CPNE6: variants seen among roughly 807,000 people sequenced by gnomAD.
The protein encoded by CPNE6 is copine 6, also known as copine-6.
CPNE6 carries 33 observed loss-of-function variants against 71.5 expected under a neutral mutation model. That is an observed-to-expected ratio of 0.46 (90% confidence interval 0.35 to 0.62). The LOEUF is 0.62. CPNE6 is among the 20% of genes least tolerant of loss of function. CPNE6 has a pLI of 0.00. For synonymous variants in CPNE6, 296 were observed against 293.0 expected (o/e 1.01, Z -0.10); for missense variants, 576 against 747.3 (o/e 0.77, Z 2.67).
chr14:24,075,763 T>C lies in CPNE6; in HGVS notation c.865-64T>C, dbSNP rs1246524237. 14 of 1,527,068 alleles carry C rather than the reference T, an allele frequency of 9.2e-6. No individual in the cohort carries two copies. Among genetic ancestry groups the C allele is most frequent in the African/African-American group, 1.4e-5 (1 of 73,026 alleles). The allele number at this position is 1,527,068 out of a possible 1,614,324, so 94.6% of individuals were successfully genotyped here. A position where few individuals can be genotyped will look rare whatever the true frequency, so the allele number is the denominator to read the frequency against. ...TCCCCCATGTTCCCCACAGAAGCCC[T>C]ACCCAAGCTCCCTCCTCAAAGGACC... is the stretch of plus-strand genomic sequence containing the variant. On this transcript the variant is annotated intron_variant, in intron 10 of 17. Transcript: ENST00000397016. This position sits in a 1 kb window ranked among gnomAD's most constrained non-coding sequence, Gnocchi z 4.3.
Position 24,075,591 on chromosome 14 carries a change from G to T in CPNE6, c.864G>T (p.Thr288=). The change falls in exon 10 of 18, where the codon ACG becomes ACT. Residue 288 remains threonine, a splice_region_variant and synonymous_variant. Transcript: ENST00000397016. The surrounding 1 kb of genome is among the most constrained non-coding windows in gnomAD (Gnocchi z 4.3). ...GGACGGTAGTGCTGGCCCAGTGCAC[G>T]GTAAATTTCACTTCCTGCTTCAAGC... is the stretch of plus-strand genomic sequence containing the variant. The T allele has an allele frequency of 4.4e-6, 7 of 1,608,172 alleles. No homozygotes were observed. Among genetic ancestry groups the T allele is most frequent in the Non-Finnish European group, 5.9e-6 (7 of 1,177,012 alleles).
In CPNE6 at chr14:24,073,385, G is replaced by A; in HGVS notation, c.169-114G>A. The A allele has an allele frequency of 1.7e-6, 2 of 1,194,188 alleles. No individual in the cohort carries two copies. The highest frequency in any genetic ancestry group is 2.4e-6 in the Non-Finnish European group (2 of 848,212). The allele number at this position is 1,194,188 out of a possible 1,614,324, so 74.0% of individuals were successfully genotyped here. A position where few individuals can be genotyped will look rare whatever the true frequency, so the allele number is the denominator to read the frequency against. On this transcript the variant is annotated intron_variant, in intron 3 of 17. Transcript: ENST00000397016. This position sits in a 1 kb window ranked among gnomAD's most constrained non-coding sequence, Gnocchi z 5.5. ...GATCAGCTTAGGAAGAGAAGAGCTGGTTGCTGGGGACGTGGGGGCCCAAGA... is the reference window on the plus strand; with the variant it reads ...GATCAGCTTAGGAAGAGAAGAGCTGATTGCTGGGGACGTGGGGGCCCAAGA...
Position 24,077,231 on chromosome 14 carries a change from C to T in CPNE6, c.1377C>T (p.Ala459=). 3 of 1,613,144 alleles carry T rather than the reference C, an allele frequency of 1.9e-6. No individual in the cohort carries two copies. The highest frequency in any genetic ancestry group is 8.5e-7 in the Non-Finnish European group (1 of 1,180,024). The stretch of plus-strand genomic sequence containing the variant: ...AGACTCGCACTGCTATCGTGCGTGC[C>T]TCCCGCCTGCCCATGTCCATCATCA... The change falls in exon 16 of 18, where the codon GCC becomes GCT. Residue 459 remains alanine, a synonymous_variant. Coordinates refer to ENST00000397016, the Ensembl canonical transcript of CPNE6. The surrounding 1 kb of genome is among the most constrained non-coding windows in gnomAD (Gnocchi z 6.1).
In CPNE6 at chr14:24,077,759, A is replaced by ACC. The variant is rs746565607; in HGVS notation, c.*29_*30insCC. On this transcript the variant is annotated 3_prime_UTR_variant, in exon 17 of 18. Transcript: ENST00000397016. The surrounding 1 kb of genome is among the most constrained non-coding windows in gnomAD (Gnocchi z 6.1). ...CCTCCCTCCGGACCGACACTCCCTC[A>ACC]GCCTCTCAGTGAGTCCTGGGGCTTC... 6 of 1,508,632 alleles carry ACC rather than the reference A, an allele frequency of 4.0e-6. No individual in the cohort carries two copies. The highest frequency in any genetic ancestry group is 4.4e-6 in the Non-Finnish European group (5 of 1,130,118). 93.5% of individuals were successfully genotyped at this position (1,508,632 alleles called of 1,614,324 possible).
chr14:24,072,768 C>T (rs565274394), intron 2 of CPNE6, 165 bp from the exon 2 acceptor site: 49 of 548,616 alleles, frequency 8.9e-5, no homozygotes, highest in African/African-American at 8.9e-4. Flanking sequence ...CCTCTGCCCT[C>T]CCCTGCTCAG....
chr14:24,076,320 G>A, intron 12 of CPNE6, 38 bp downstream of exon 11: 1 of 1,614,214 alleles, frequency 6.2e-7, no homozygotes, highest in Non-Finnish European at 8.5e-7. Flanking sequence ...AGGCAGGGAG[G>A]CCTTGCCCAA....
intron 14 of CPNE6, 142 bp downstream of exon 13, chr14:24,076,699 G>A (rs753104919): frequency 2.4e-5 from 34 of 1,440,264 alleles, no homozygotes; most frequent in Non-Finnish European, 2.9e-5. Flanking sequence ...TTCCAGGGCC[G>A]AGGCCCAGCA....
intron 1 of CPNE6, 61 bp from the exon 1 acceptor site, chr14:24,071,501 G>GGCGCCCCCCCCCCCC: frequency 1.4e-6 from 2 of 1,416,704 alleles, no homozygotes; most frequent in Non-Finnish European, 1.9e-6. Context: ...CTGGTGCTGC[G>GGCGCCCCCCCCCCCC]CCCCCCCCCA....
intron 2 of CPNE6, 85 bp from the exon 2 acceptor site, chr14:24,072,848 G>A: frequency 8.0e-7 from 1 of 1,257,680 alleles, no homozygotes; most frequent in Non-Finnish European, 1.0e-6. Context: ...GTTAAGGGGT[G>A]GGGCCCAGGG....
intron 2 of CPNE6, chr14:24,072,215 C>T (rs1433122671): frequency 1.3e-5 from 2 of 152,350 alleles, no homozygotes; most frequent in African/African-American, 2.4e-5. Context: ...CCCCAAAAAT[C>T]CTGTCGCTAA....
intron 1 of CPNE6, 61 bp from the exon 1 acceptor site, chr14:24,071,501 G>GCCGCCCCCCCC: frequency 4.2e-6 from 6 of 1,416,700 alleles, no homozygotes; most frequent in Non-Finnish European, 5.6e-6. Context: ...CTGGTGCTGC[G>GCCGCCCCCCCC]CCCCCCCCCA....
At chr14:24,072,671 C>T (rs750968268) in intron 2 of CPNE6, 12 of 361,752 alleles carry the variant, frequency 3.3e-5, no homozygotes, top group Non-Finnish European at 5.4e-5. Flanking sequence ...AACATCCCCA[C>T]CCCAATCCTT....
In CPNE6 at chr14:24,075,497, G is replaced by T. The variant is rs1167158737; in HGVS notation, c.778-8G>T. On this transcript the variant is annotated splice_region_variant and splice_polypyrimidine_tract_variant and intron_variant, in intron 9 of 17. Transcript: ENST00000397016. This position sits in a 1 kb window ranked among gnomAD's most constrained non-coding sequence, Gnocchi z 4.3. The stretch of plus-strand genomic sequence containing the variant: ...CTTGTGACCCTGAGCTTGTGGGGTG[G>T]GGTCTAGATGCAGTGGGACTGTATC... 6.2e-7 allele frequency: 1 copy of T among 1,608,910 alleles called. No individual in the cohort carries two copies. Among genetic ancestry groups the T allele is most frequent in the African/African-American group, 1.3e-5 (1 of 74,852 alleles).
exon 15 of CPNE6, chr14:24,076,994 G>A (rs557457730): frequency 1.9e-6 from 3 of 1,611,254 alleles, no homozygotes; most frequent in East Asian, 4.5e-5. Context: ...AGCGGGAGCA[G>A]AGCACCGGCC....
Position 24,075,393 on chromosome 14 carries a change from C to A in CPNE6, c.778-112C>A, listed in dbSNP as rs2036028077. ...GTGGAGAGGGTGGAAAGCACCTGGG[C>A]TCAGCTGAAGGACGGAACCATGGGG... On this transcript the variant is annotated intron_variant, in intron 9 of 17. Transcript: ENST00000397016. The surrounding 1 kb of genome is among the most constrained non-coding windows in gnomAD (Gnocchi z 4.3). 7.2e-7 allele frequency: 1 copy of A among 1,391,936 alleles called. No homozygotes were observed. The highest frequency in any genetic ancestry group is 1.8e-4 in the Middle Eastern group (1 of 5,622). The allele number at this position is 1,391,936 out of a possible 1,614,324, so 86.2% of individuals were successfully genotyped here. A position where few individuals can be genotyped will look rare whatever the true frequency, so the allele number is the denominator to read the frequency against.
At position 24,075,706 on chromosome 14, in the gene CPNE6, C is replaced by A; in HGVS notation, c.864+115C>A. On this transcript the variant is annotated intron_variant, in intron 10 of 17. Transcript: ENST00000397016. The surrounding 1 kb of genome is among the most constrained non-coding windows in gnomAD (Gnocchi z 4.3). Reference sequence around the variant, plus strand: ...TTTCTCTGCTTCTGGGAACTGGAAACCACCCCCAACTGCAACCCAAAAAAC... The same window carrying A: ...TTTCTCTGCTTCTGGGAACTGGAAAACACCCCCAACTGCAACCCAAAAAAC... The A allele has an allele frequency of 7.4e-7, 1 of 1,344,770 alleles. No individual in the cohort carries two copies. Among genetic ancestry groups the A allele is most frequent in the Non-Finnish European group, 1.0e-6 (1 of 954,360 alleles). The allele number at this position is 1,344,770 out of a possible 1,614,324, so 83.3% of individuals were successfully genotyped here.
intron 1 of CPNE6, chr14:24,071,303 T>C (rs910014295): frequency 8.3e-5 from 116 of 1,394,672 alleles, no homozygotes; most frequent in Non-Finnish European, 1.1e-4. Flanking sequence ...GCCACTGCAA[T>C]GTGCGCATCT....
At chr14:24,076,615 CA>C (rs752956803) in intron 14 of CPNE6, 58 bp downstream of exon 13, 1 of 1,599,468 alleles carries the variant, frequency 6.3e-7, no homozygotes, top group Non-Finnish European at 8.6e-7. Flanking sequence ...CACACAGGAG[CA>C]CAGACTCCAC....
chr14:24,076,518 T>C, exon 14 of CPNE6: 1 of 1,614,090 alleles, frequency 6.2e-7, no homozygotes. Flanking sequence ...GTCCCATGAC[T>C]TTGCTATCAA....
Sources: allele counts gnomAD v4.1 joint callset, GRCh38; gene constraint gnomAD v4.1.1; non-coding constraint Gnocchi (gnomAD v3.1); transcripts MANE v1.5; gene names NCBI Gene and HGNC (gene_info 2026-07-23, HGNC 2026-07-21).